Variants in STXBP6 observed in about 807,000 individuals in gnomAD.
The protein encoded by STXBP6 is syntaxin-binding protein 6.
A neutral mutation model predicts 26.9 loss-of-function variants in STXBP6; 21 were observed. The ratio of observed to expected loss-of-function variants is 0.78; its 90% CI spans 0.55 to 1.12. The LOEUF is 1.12. Ranked by LOEUF, STXBP6 falls within the 50% of genes most tolerant of loss-of-function variation. The pLI is 0.00. For synonymous variants in STXBP6, 97 were observed against 92.6 expected (o/e 1.05, Z -0.27); for missense variants, 232 against 257.9 (o/e 0.90, Z 0.69).
intron 1 of STXBP6, among the ~76,000 whole-genome samples, chr14:24,989,694 T>C (rs550004607): frequency 9.7e-4 from 147 of 152,212 alleles, no homozygotes; most frequent in Non-Finnish European, 1.1e-3. Context: ...ATCCTCCAAT[T>C]AACCTATTTC....
chr14:24,857,873 T>A (rs1022022943), intron 2 of STXBP6, among the ~76,000 whole-genome samples: 1 of 152,022 alleles, frequency 6.6e-6, no homozygotes, highest in Non-Finnish European at 1.5e-5. Flanking sequence ...AAGCCAAGCA[T>A]CAGGCACCAG....
At chr14:25,018,728 A>G (rs1380790762) in intron 1 of STXBP6, among the ~76,000 whole-genome samples, 2 of 152,192 alleles carry the variant, frequency 1.3e-5, no homozygotes, top group Non-Finnish European at 1.5e-5. Flanking sequence ...GCTTCCTTCT[A>G]TGTCACACTG....
At position 24,918,999 on chromosome 14, in the gene STXBP6, G is replaced by A. The variant is rs551652305; in HGVS notation, c.154+55666C>T. ...GCAGGTGCTTTGAATCTAACAGTGT[G>A]CTCAAGATGGAAATTCTACTGTTAT... is the stretch of plus-strand genomic sequence containing the variant. On this transcript the variant is annotated intron_variant, in intron 2 of 5. Transcript: ENST00000323944. Among the ~76,000 whole-genome samples the A allele has an allele frequency of 1.6e-4, 24 of 152,160 alleles. No homozygotes were observed. The South Asian group carries it at 1.9e-3, about 12-fold the overall frequency.
chr14:24,883,253 GT>G (rs879861417), intron 2 of STXBP6, among the ~76,000 whole-genome samples: 2 of 151,758 alleles, frequency 1.3e-5, no homozygotes, highest in South Asian at 2.1e-4. Context: ...CTAAAAGCAT[GT>G]TTTTTTTTAA....
At chr14:24,867,140 G>A (rs1302138623) in intron 2 of STXBP6, among the ~76,000 whole-genome samples, 1 of 152,068 alleles carries the variant, frequency 6.6e-6, no homozygotes, top group African/African-American at 2.4e-5. Flanking sequence ...CCAACCTCAC[G>A]AATGAATTTA....
chr14:24,913,693 A>T (rs183497997), intron 2 of STXBP6, among the ~76,000 whole-genome samples: 101 of 152,340 alleles, frequency 6.6e-4, no homozygotes, highest in Non-Finnish European at 1.0e-3. Flanking sequence ...GCTATAGTAT[A>T]TAATTTCCAT....
At chr14:24,907,522 A>C (rs1200223533) in intron 2 of STXBP6, among the ~76,000 whole-genome samples, 3 of 152,176 alleles carry the variant, frequency 2.0e-5, no homozygotes, top group Non-Finnish European at 4.4e-5. Context: ...AGCATTTTGA[A>C]ATCAGAATTG....
chr14:24,834,978 A>G (rs2068569333), intron 4 of STXBP6, among the ~76,000 whole-genome samples: 1 of 152,186 alleles, frequency 6.6e-6, no homozygotes, highest in African/African-American at 2.4e-5. Flanking sequence ...AGGTGTTCAC[A>G]AAGTTGTGTC....
At chr14:24,969,676 T>C (rs2073842983) in intron 2 of STXBP6, among the ~76,000 whole-genome samples, 1 of 152,198 alleles carries the variant, frequency 6.6e-6, no homozygotes, top group African/African-American at 2.4e-5. Context: ...AAGGAATTTA[T>C]CATATTAGCT....
intron 1 of STXBP6, among the ~76,000 whole-genome samples, chr14:24,997,828 C>G (rs1161632091): frequency 2.0e-5 from 3 of 151,966 alleles, no homozygotes; most frequent in Non-Finnish European, 4.4e-5. Flanking sequence ...TTAAGTACAA[C>G]TTTTCTTTTT....
intron 1 of STXBP6, among the ~76,000 whole-genome samples, chr14:25,017,210 AC>A (rs1180685583): frequency 6.6e-6 from 1 of 152,176 alleles, no homozygotes; most frequent in African/African-American, 2.4e-5. Context: ...AGGACTTCTC[AC>A]TCCTCTACGG....
chr14:24,855,886 A>C, intron 4 of STXBP6, 50 bp downstream of exon 4: 1 of 1,527,482 alleles, frequency 6.5e-7, no homozygotes, highest in South Asian at 1.3e-5. Context: ...CTTAAGTAAA[A>C]GTGAGTCTAA....
At position 24,810,653 on chromosome 14, in the gene STXBP6, G is replaced by A. The variant is rs980225669; in HGVS notation, c.*2056C>T. Reference sequence around the variant, plus strand: ...GAGTAACTATTGTAATTCTACCAGGGAAGAAGAATCTTGGGTTTCACAGTA... The same window carrying A: ...GAGTAACTATTGTAATTCTACCAGGAAAGAAGAATCTTGGGTTTCACAGTA... On this transcript the variant is annotated 3_prime_UTR_variant, in exon 6 of 6. Coordinates refer to ENST00000323944, the MANE Select transcript of STXBP6 (RefSeq NM_001394410.1). The A allele has an allele frequency of 6.6e-6, 1 of 152,158 alleles. No individual in the cohort carries two copies. The highest frequency in any genetic ancestry group is 2.4e-5 in the African/African-American group (1 of 41,432). 9.4% of individuals were successfully genotyped at this position (152,158 alleles called of 1,614,324 possible).
chr14:24,981,660 A>G (rs2074195647), intron 1 of STXBP6, among the ~76,000 whole-genome samples: 1 of 152,176 alleles, frequency 6.6e-6, no homozygotes, highest in South Asian at 2.1e-4. Flanking sequence ...TCCAACAGAG[A>G]TTAATATGAG....
chr14:24,914,870 C>T (rs923026420), intron 2 of STXBP6, among the ~76,000 whole-genome samples: 1 of 152,184 alleles, frequency 6.6e-6, no homozygotes, highest in African/African-American at 2.4e-5. Flanking sequence ...CTTAGCTTTA[C>T]AGATTTTGCT....
rs185603103 is a variant in STXBP6, at chr14:24,856,207, G to A, written c.286-106C>T. 4.8e-5 allele frequency: 54 copies of A among 1,115,054 alleles called. No homozygotes were observed. In the East Asian group the frequency reaches 6.5e-4, roughly 13 times the overall value. The allele number at this position is 1,115,054 out of a possible 1,614,324, so 69.1% of individuals were successfully genotyped here. A position where few individuals can be genotyped will look rare whatever the true frequency, so the allele number is the denominator to read the frequency against. ...AAGGGCTAAAACAAAGACTTTGATC[G>A]CAATCATAAGGCTCATCTTTATCCA... On this transcript the variant is annotated intron_variant, in intron 3 of 5. Coordinates refer to ENST00000323944, the MANE Select transcript of STXBP6 (RefSeq NM_001394410.1).
intron 4 of STXBP6, among the ~76,000 whole-genome samples, chr14:24,837,253 G>A (rs1241094115): frequency 6.6e-6 from 1 of 152,132 alleles, no homozygotes; most frequent in Non-Finnish European, 1.5e-5. Context: ...AAGATGAAAA[G>A]TGGTGTAAGA....
At chr14:24,971,893 T>C (rs1687503725) in intron 2 of STXBP6, among the ~76,000 whole-genome samples, 1 of 152,242 alleles carries the variant, frequency 6.6e-6, no homozygotes. Flanking sequence ...TTCATAGCGG[T>C]ACCCACGGAA....
intron 1 of STXBP6, among the ~76,000 whole-genome samples, chr14:25,003,378 TG>T (rs1165198241): frequency 6.6e-6 from 1 of 152,188 alleles, no homozygotes; most frequent in African/African-American, 2.4e-5. Flanking sequence ...ATTATTGAAA[TG>T]TGCTTTTAGG....
Sources: gnomAD v4.1 joint callset for allele counts (sites outside exome capture counted in the v4.1 genomes callset) on GRCh38, gnomAD v4.1.1 for gene constraint, MANE v1.5 for transcripts, NCBI Gene and HGNC (gene_info 2026-07-23, HGNC 2026-07-21) for gene names.